Variants in DOCK1 observed in about 807,000 individuals in gnomAD.
DOCK1 encodes the protein dedicator of cytokinesis protein 1.
Under a neutral mutation model 262.7 loss-of-function variants are expected in DOCK1, and 138 were observed. The ratio of observed to expected loss-of-function variants is 0.53; its 90% CI spans 0.46 to 0.61. The LOEUF (loss-of-function observed/expected upper bound fraction) is 0.61. Ranked by LOEUF, DOCK1 falls within the 20% of genes least tolerant of loss-of-function variation. The pLI, the probability that DOCK1 is intolerant of heterozygous loss-of-function variation, is 0.00. For missense variants in DOCK1, 1,908 were observed against 2,370.7 expected (o/e 0.80, Z 4.05); for synonymous variants, 866 against 867.4 (o/e 1.00, Z 0.03).
intron 35 of DOCK1, 114 bp downstream of exon 35, chr10:127,374,328 A>T: frequency 7.6e-7 from 1 of 1,320,936 alleles, no homozygotes; most frequent in African/African-American, 1.5e-5. Context: ...CCACCGCAGA[A>T]CAATCTCCTT....
intron 1 of DOCK1, among the ~76,000 whole-genome samples, chr10:126,919,251 T>C (rs956862951): frequency 6.6e-5 from 10 of 152,214 alleles, no homozygotes; most frequent in African/African-American, 2.4e-4. Context: ...TATCAACCTC[T>C]TTTTTATTTT....
chr10:127,159,995 C>T (rs1206095289), intron 27 of DOCK1, among the ~76,000 whole-genome samples: 1 of 152,160 alleles, frequency 6.6e-6, no homozygotes, highest in Non-Finnish European at 1.5e-5. Context: ...AGAGAAAGAT[C>T]ACTGCAAGCT....
intron 29 of DOCK1, among the ~76,000 whole-genome samples, chr10:127,314,139 TC>T (rs1318988247): frequency 6.6e-6 from 1 of 152,236 alleles, no homozygotes. Context: ...GGCATGACTT[TC>T]CTCCAAAGAC....
chr10:127,141,923 C>T (rs1244657780), intron 27 of DOCK1, among the ~76,000 whole-genome samples: 1 of 152,214 alleles, frequency 6.6e-6, no homozygotes, highest in Non-Finnish European at 1.5e-5. Flanking sequence ...AGACATACTC[C>T]AGGATCTTTT....
chr10:127,052,846 C>A (rs959438966), intron 22 of DOCK1, 31 bp downstream of exon 22: 1 of 1,587,928 alleles, frequency 6.3e-7, no homozygotes. Context: ...TGCCCGGGCT[C>A]TCAGAGGACT....
intron 29 of DOCK1, among the ~76,000 whole-genome samples, chr10:127,326,481 G>A (rs73384625): frequency 1.4e-3 from 210 of 152,318 alleles, no homozygotes; most frequent in African/African-American, 4.9e-3. Context: ...CATCCAAGTT[G>A]TATCATGAGA....
In DOCK1 at chr10:127,395,879, T is replaced by C. The variant is rs543969521; in HGVS notation, c.3928-7176T>C. ...CACTGGCCTAGAAGCCAAGAGTTCT[T>C]GCCGGGAGGAAGATGTAGGAAGGGA... On this transcript the variant is annotated intron_variant, in intron 38 of 51. Coordinates refer to ENST00000623213, the MANE Select transcript of DOCK1 (RefSeq NM_001290223.2). 4.6e-5 allele frequency among the ~76,000 whole-genome samples: 7 copies of C among 152,318 alleles called. No individual in the cohort carries two copies. In the East Asian group the frequency reaches 9.6e-4, roughly 21 times the overall value.
intron 29 of DOCK1, among the ~76,000 whole-genome samples, chr10:127,308,102 T>C (rs908374754): frequency 6.6e-6 from 1 of 152,222 alleles, no homozygotes; most frequent in Non-Finnish European, 1.5e-5. Flanking sequence ...CTGTGTCCCT[T>C]CCTTCAATTC....
intron 47 of DOCK1, among the ~76,000 whole-genome samples, chr10:127,432,445 C>A (rs954680005): frequency 6.6e-6 from 1 of 151,928 alleles, no homozygotes; most frequent in Admixed American, 6.6e-5. Flanking sequence ...GTGGGGAAGT[C>A]AACGCCACAC....
At chr10:127,032,927 C>T (rs1288726565) in intron 18 of DOCK1, among the ~76,000 whole-genome samples, 1 of 152,122 alleles carries the variant, frequency 6.6e-6, no homozygotes, top group South Asian at 2.1e-4. Flanking sequence ...AGGAAGGTAG[C>T]GTGACATAAA....
chr10:127,097,737 A>G (rs2047996449), intron 23 of DOCK1, among the ~76,000 whole-genome samples: 1 of 152,258 alleles, frequency 6.6e-6, no homozygotes, highest in African/African-American at 2.4e-5. Context: ...ATAAAATCTG[A>G]AGAAATTACT....
At chr10:127,260,345 G>A (rs1045270488) in intron 29 of DOCK1, among the ~76,000 whole-genome samples, 9 of 152,318 alleles carry the variant, frequency 5.9e-5, no homozygotes, top group African/African-American at 2.2e-4. Flanking sequence ...AGTCTACCTT[G>A]GTGATAATAA....
chr10:127,397,777 C>T (rs1193445452), intron 38 of DOCK1, among the ~76,000 whole-genome samples: 13 of 145,206 alleles, frequency 9.0e-5, no homozygotes, highest in African/African-American at 2.5e-4. Context: ...CTGTATGACA[C>T]GGGCAGTGAC....
chr10:127,249,775 G>A (rs2059563459), intron 28 of DOCK1, among the ~76,000 whole-genome samples: 1 of 152,188 alleles, frequency 6.6e-6, no homozygotes, highest in South Asian at 2.1e-4. Context: ...CGCAGCACGT[G>A]ACTGTACTTC....
intron 27 of DOCK1, among the ~76,000 whole-genome samples, chr10:127,207,723 A>C (rs764967914): frequency 5.0e-4 from 76 of 152,182 alleles, no homozygotes; most frequent in Non-Finnish European, 7.9e-4. Context: ...TTCAAAGGTC[A>C]TGAAAACCCA....
At chr10:126,915,499 A>C (rs1591299648) in intron 1 of DOCK1, among the ~76,000 whole-genome samples, 1 of 151,858 alleles carries the variant, frequency 6.6e-6, no homozygotes, top group South Asian at 2.1e-4. Context: ...GCCCACTGCA[A>C]CCTCCGCCTC....
chr10:127,253,874 C>CAAAAAA (rs575042004), intron 28 of DOCK1, among the ~76,000 whole-genome samples: 25,722 of 100,254 alleles, frequency 0.26, 3,598 homozygotes, highest in South Asian at 0.43. Context: ...GACCCTGTCT[C>CAAAAAA]AAAAAAAAAA....
At chr10:127,124,335 G>A (rs2133063546) in intron 25 of DOCK1, among the ~76,000 whole-genome samples, 1 of 152,340 alleles carries the variant, frequency 6.6e-6, no homozygotes, top group Non-Finnish European at 1.5e-5. Context: ...TTAGAGCACT[G>A]CTGTCTCCTC....
At chr10:127,001,488 A>T (rs2040592964) in intron 10 of DOCK1, 2 of 152,200 alleles carry the variant, frequency 1.3e-5, no homozygotes, top group Non-Finnish European at 2.9e-5. Context: ...TGTAGTTTAC[A>T]TTAGCGTTCA....
Sources: gnomAD v4.1 joint callset for allele counts (sites outside exome capture counted in the v4.1 genomes callset) on GRCh38, gnomAD v4.1.1 for gene constraint, MANE v1.5 for transcripts, NCBI Gene and HGNC (gene_info 2026-07-23, HGNC 2026-07-21) for gene names.